The following PRKCZ variants were observed in gnomAD, a reference collection of about 807,000 sequenced individuals.
The protein encoded by PRKCZ is protein kinase C zeta type.
A neutral mutation model predicts 79.5 loss-of-function variants in PRKCZ; 33 were observed. That is an observed-to-expected ratio of 0.41 (90% CI 0.31 to 0.55). PRKCZ has a LOEUF of 0.55. Among genes scored for constraint, PRKCZ ranks in the 20% least tolerant of loss-of-function variants. The pLI is 0.19. For synonymous variants in PRKCZ, 342 were observed against 320.9 expected (o/e 1.07, Z -0.70); for missense variants, 578 against 813.5 (o/e 0.71, Z 3.52).
intron 4 of PRKCZ, among the ~76,000 whole-genome samples, chr1:2,092,135 C>T (rs1665627863): frequency 6.6e-6 from 1 of 152,170 alleles, no homozygotes; most frequent in Non-Finnish European, 1.5e-5. Flanking sequence ...TCCGGCCATG[C>T]CAGCCGCCCC....
intron 4 of PRKCZ, among the ~76,000 whole-genome samples, chr1:2,110,778 G>C (rs1669581577): frequency 6.6e-6 from 1 of 152,168 alleles, no homozygotes; most frequent in Non-Finnish European, 1.5e-5. Flanking sequence ...AAGGGGGCTG[G>C]GGTGGGGCTG....
At chr1:2,113,117 G>T (rs966874806) in intron 4 of PRKCZ, among the ~76,000 whole-genome samples, 2 of 152,282 alleles carry the variant, frequency 1.3e-5, no homozygotes, top group African/African-American at 4.8e-5. Flanking sequence ...CTGCTCTGGA[G>T]CCGGGCACTG....
In PRKCZ at chr1:2,149,554, G is replaced by A. The variant is rs539044906; in HGVS notation, c.687+630G>A. Among the ~76,000 whole-genome samples, 7 of 152,282 alleles carry A rather than the reference G, an allele frequency of 4.6e-5. No individual in the cohort carries two copies. The highest frequency in any genetic ancestry group is 7.2e-5 in the African/African-American group (3 of 41,554). On this transcript the variant is annotated intron_variant, in intron 8 of 17. Transcript: ENST00000378567. This position sits in a 1 kb window ranked among gnomAD's most constrained non-coding sequence, Gnocchi z 4.1. ...GCCATCCTGTGTCTGGAGGGAGGCC[G>A]GGGCACTTAGAAAGCAGAATCTGAG...
chr1:2,081,277 C>CT (rs1223229047), intron 4 of PRKCZ, among the ~76,000 whole-genome samples: 2 of 152,236 alleles, frequency 1.3e-5, no homozygotes, highest in East Asian at 3.9e-4. Flanking sequence ...TTACTTATTG[C>CT]TCAGATTGTT....
intron 4 of PRKCZ, among the ~76,000 whole-genome samples, chr1:2,118,009 T>TTTTTTTTTTC (rs1671093799): frequency 7.2e-6 from 1 of 139,140 alleles, no homozygotes; most frequent in Non-Finnish European, 1.5e-5. Context: ...TTTTTTTTTT[T>TTTTTTTTTTC]TTTTTGGAGT....
intron 9 of PRKCZ, among the ~76,000 whole-genome samples, chr1:2,153,601 G>A (rs1331960677): frequency 6.6e-6 from 1 of 152,258 alleles, no homozygotes; most frequent in Non-Finnish European, 1.5e-5. Context: ...CCCAAGAGGT[G>A]TGGTGCCCTG....
chr1:2,151,209 A>C (rs1022211816), intron 9 of PRKCZ, among the ~76,000 whole-genome samples: 2 of 152,260 alleles, frequency 1.3e-5, no homozygotes, highest in African/African-American at 4.8e-5. Context: ...CACAAACCCA[A>C]ACAGCACAGC....
At chr1:2,180,199 A>T (rs1460762081) in intron 16 of PRKCZ, among the ~76,000 whole-genome samples, 3 of 152,180 alleles carry the variant, frequency 2.0e-5, no homozygotes, top group Admixed American at 1.3e-4. Flanking sequence ...TGTCCACCCC[A>T]TGCTGCGTGG....
chr1:2,182,625 C>T (rs904764482), intron 16 of PRKCZ: 1 of 154,872 alleles, frequency 6.5e-6, no homozygotes, highest in Non-Finnish European at 1.5e-5. Flanking sequence ...CATTTCTTTT[C>T]ACCAGCTGCA....
intron 4 of PRKCZ, among the ~76,000 whole-genome samples, chr1:2,077,832 CT>C (rs975164611): frequency 3.9e-5 from 6 of 151,984 alleles, no homozygotes; most frequent in African/African-American, 1.4e-4. Flanking sequence ...CAGCTCATCT[CT>C]TCCTTCCTTG....
At chr1:2,155,626 GTGGT>G (rs1465962278) in intron 9 of PRKCZ, among the ~76,000 whole-genome samples, 34 of 150,028 alleles carry the variant, frequency 2.3e-4, no homozygotes, top group Non-Finnish European at 4.4e-4. Context: ...GATGATGACA[GTGGT>G]GGTGAAGGTG....
At chr1:2,110,212 C>T (rs544915318) in intron 4 of PRKCZ, among the ~76,000 whole-genome samples, 14 of 137,398 alleles carry the variant, frequency 1.0e-4, no homozygotes, top group Middle Eastern at 8.0e-3. Flanking sequence ...GGGCTGAATC[C>T]GGGGCCCTCC....
At chr1:2,175,837 G>C (rs575115171) in intron 16 of PRKCZ, among the ~76,000 whole-genome samples, 1 of 152,146 alleles carries the variant, frequency 6.6e-6, no homozygotes, top group Non-Finnish European at 1.5e-5. Context: ...GGCAACCCTC[G>C]ACTGTGCTGG....
chr1:2,122,618 C>T (rs1287799949), intron 4 of PRKCZ, among the ~76,000 whole-genome samples: 5 of 4,552 alleles, frequency 1.1e-3, no homozygotes, highest in South Asian at 0.019. Flanking sequence ...GTTAGGGTCA[C>T]GGTGGTGGTT....
chr1:2,150,697 G>A, intron 8 of PRKCZ, 93 bp from the exon 9 acceptor site: 1 of 1,295,350 alleles, frequency 7.7e-7, no homozygotes, highest in South Asian at 1.4e-5. Flanking sequence ...CTGAGGAGCA[G>A]GTCTCTGTTG....
intron 4 of PRKCZ, among the ~76,000 whole-genome samples, chr1:2,080,031 C>T (rs1007320856): frequency 6.6e-6 from 1 of 152,244 alleles, no homozygotes; most frequent in Non-Finnish European, 1.5e-5. Flanking sequence ...GCCCCACTTT[C>T]CTGCTACCTG....
chr1:2,152,952 C>A (rs570638370), intron 9 of PRKCZ, among the ~76,000 whole-genome samples: 2 of 152,238 alleles, frequency 1.3e-5, no homozygotes, highest in Admixed American at 6.5e-5. Context: ...TGAAGGTTCG[C>A]GTACAAGAAT....
chr1:2,108,491 G>A (rs1042196554), intron 4 of PRKCZ, among the ~76,000 whole-genome samples: 3 of 152,260 alleles, frequency 2.0e-5, no homozygotes, highest in Non-Finnish European at 4.4e-5. Flanking sequence ...TCATGAGTGG[G>A]TGCCGTCCAG....
intron 4 of PRKCZ, among the ~76,000 whole-genome samples, chr1:2,121,334 C>T (rs1338738480): frequency 1.3e-5 from 2 of 152,172 alleles, no homozygotes; most frequent in South Asian, 4.1e-4. Flanking sequence ...GCGTGTACTT[C>T]CGGAATGCTA....
Sources: allele counts gnomAD v4.1 joint callset (sites outside exome capture counted in the v4.1 genomes callset), GRCh38; gene constraint gnomAD v4.1.1; non-coding constraint Gnocchi (gnomAD v3.1); transcripts MANE v1.5; gene names NCBI Gene and HGNC (gene_info 2026-07-23, HGNC 2026-07-21).